Variants in PCDHA3 observed in about 807,000 individuals in gnomAD.
The protein encoded by PCDHA3 is protocadherin alpha-3.
PCDHA3 carries 41 observed loss-of-function variants against 62.2 expected under a neutral mutation model. That is an observed-to-expected ratio of 0.66 (90% CI 0.51 to 0.86). PCDHA3 has a LOEUF of 0.86. Ranked by LOEUF, PCDHA3 falls within the 40% of genes least tolerant of loss-of-function variation. PCDHA3 has a pLI of 0.00. For synonymous variants in PCDHA3, 640 were observed against 555.4 expected, an observed-to-expected ratio of 1.15 and a Z score of -2.14; for missense variants, 1,304 against 1,241.2, an observed-to-expected ratio of 1.05 and a Z score of -0.76.
Position 140,843,712 on chromosome 5 carries a change from C to G in PCDHA3, c.2394+40121C>G. ...AAGATTTAAATGTTGATCATGGCCT[C>G]AAAGTAAGTCCATTTAAATTTAGAA... On this transcript the variant is annotated intron_variant, in intron 1 of 3. Transcript: ENST00000522353. 3.2e-6 allele frequency: 5 copies of G among 1,569,886 alleles called. 1 individual carries two copies. Among genetic ancestry groups the G allele is most frequent in the Non-Finnish European group, 4.4e-6 (5 of 1,144,038 alleles).
rs2150462015 is a variant in PCDHA3 at position 140,849,990 on chromosome 5, T to G, written c.2394+46399T>G. On this transcript the variant is annotated intron_variant, in intron 1 of 3. Coordinates refer to ENST00000522353, the MANE Select transcript of PCDHA3 (RefSeq NM_018906.3). ...GTCCTACTCGCTGGTGGAGCGGCGGTTGGGCGAGCGCTCGCTGTCGAGCTA... is the reference window on the plus strand; with the variant it reads ...GTCCTACTCGCTGGTGGAGCGGCGGGTGGGCGAGCGCTCGCTGTCGAGCTA... 9.1e-5 allele frequency: 145 copies of G among 1,596,718 alleles called. 14 individuals carry two copies. The highest frequency in any genetic ancestry group is 5.1e-4 in the Admixed American group (30 of 59,270).
chr5:140,801,061 C>A lies in PCDHA3; in HGVS notation c.-137C>A, dbSNP rs887998358. On this transcript the variant is annotated 5_prime_UTR_variant, in exon 1 of 4. Transcript: ENST00000522353. ...ACAAAAGAAATAACAGCGTGCATTACGTATTCAGATACTGCTTTGCTTCAT... is the reference window on the plus strand; with the variant it reads ...ACAAAAGAAATAACAGCGTGCATTAAGTATTCAGATACTGCTTTGCTTCAT... The A allele has an allele frequency of 1.3e-5, 19 of 1,453,456 alleles. No individual in the cohort carries two copies. The highest frequency in any genetic ancestry group is 1.7e-5 in the Non-Finnish European group (19 of 1,108,902). The allele number at this position is 1,453,456 out of a possible 1,614,324, so 90.0% of individuals were successfully genotyped here.
At chr5:140,999,784 T>C (rs1176844844) in intron 3 of PCDHA3, among the ~76,000 whole-genome samples, 1 of 152,202 alleles carries the variant, frequency 6.6e-6, no homozygotes, top group African/African-American at 2.4e-5. Context: ...AACCTAGAAA[T>C]GGCAGAGTTA....
intron 3 of PCDHA3, among the ~76,000 whole-genome samples, chr5:140,983,328 T>G (rs1214241110): frequency 6.6e-6 from 1 of 152,218 alleles, no homozygotes; most frequent in East Asian, 1.9e-4. Flanking sequence ...ATTCTTGCCC[T>G]ATCACTAAAG....
intron 1 of PCDHA3, among the ~76,000 whole-genome samples, chr5:140,827,573 T>G (rs1769335748): frequency 6.6e-6 from 1 of 152,222 alleles, no homozygotes; most frequent in Admixed American, 6.5e-5. Context: ...CACTATATAA[T>G]AGCATGTCCT....
chr5:140,877,201 G>T, intron 1 of PCDHA3: 1 of 1,613,830 alleles, frequency 6.2e-7, no homozygotes, highest in South Asian at 1.1e-5. Flanking sequence ...AGGAGGCGCA[G>T]TTAGCGAGTT....
rs1397274162 is a variant in PCDHA3, at chr5:140,845,104, T to G, written c.2394+41513T>G. 8.0e-5 allele frequency among the ~76,000 whole-genome samples: 12 copies of G among 149,722 alleles called. 2 individuals are homozygous for G. In the Admixed American group the frequency reaches 8.0e-4, roughly 10 times the overall value. On this transcript the variant is annotated intron_variant, in intron 1 of 3. Transcript: ENST00000522353. ...GTAGTTTATTTTACAGTTCTCTTAA[T>G]GCCTGTCCATGTTTAGCATTTTATT... is the stretch of plus-strand genomic sequence containing the variant.
chr5:140,808,666 G>T (rs1409073063), intron 1 of PCDHA3: 3 of 1,612,844 alleles, frequency 1.9e-6, no homozygotes, highest in African/African-American at 1.3e-5. Flanking sequence ...TGTCCTACTC[G>T]CTGGTAGAGC....
intron 1 of PCDHA3, among the ~76,000 whole-genome samples, chr5:140,941,214 C>CCTTCCTTTCTTTCTTTCTTTCTTT (rs1554214040): frequency 1.1e-4 from 13 of 122,412 alleles, no homozygotes; most frequent in Non-Finnish European, 1.5e-4. Flanking sequence ...TTTCTTTCTT[C>CCTTCCTTTCTTTCTTTCTTTCTTT]CTTTCTTTCT....
chr5:140,868,981 G>T, intron 1 of PCDHA3: 1 of 1,492,270 alleles, frequency 6.7e-7, no homozygotes, highest in Non-Finnish European at 9.0e-7. Context: ...CATCATACCG[G>T]ATGCCACCGT....
rs1393449326 is a variant in PCDHA3, at chr5:140,836,217, C to A, written c.2394+32626C>A. On this transcript the variant is annotated intron_variant, in intron 1 of 3. Transcript: ENST00000522353. ...CAACGCGTGGCTTTCGTATGAGTTG[C>A]AACCGGTGGCGGCCGGTGCGAGCAT... The A allele has an allele frequency of 1.2e-6, 2 of 1,613,820 alleles. 1 individual carries two copies. The highest frequency in any genetic ancestry group is 2.7e-5 in the African/African-American group (2 of 74,978).
chr5:140,823,849 C>A (rs1767900839), intron 1 of PCDHA3: 2 of 1,613,738 alleles, frequency 1.2e-6, no homozygotes, highest in Non-Finnish European at 1.7e-6. Flanking sequence ...CGAGGCTGCC[C>A]TGGTGGATGT....
At chr5:140,830,595 A>T (rs1211988940) in intron 1 of PCDHA3, 21 of 702,108 alleles carry the variant, frequency 3.0e-5, no homozygotes, top group Non-Finnish European at 4.4e-5. Flanking sequence ...ATTTTACAAA[A>T]TTACATATTT....
chr5:140,876,878 C>T (rs1305242755), intron 1 of PCDHA3: 1 of 1,614,118 alleles, frequency 6.2e-7, no homozygotes, highest in Admixed American at 1.7e-5. Context: ...GAGAACAACC[C>T]GCCGGGCTGC....
intron 1 of PCDHA3, chr5:140,927,766 G>A: frequency 1.2e-6 from 2 of 1,614,234 alleles, no homozygotes; most frequent in Non-Finnish European, 1.7e-6. Context: ...TAAAAGTGGG[G>A]AGGTGCAAGT....
At position 140,807,168 on chromosome 5, in the gene PCDHA3, C is replaced by T. The variant is rs1236129889; in HGVS notation, c.2394+3577C>T. The T allele has an allele frequency of 1.4e-5, 22 of 1,606,354 alleles. 1 individual carries two copies. Among genetic ancestry groups the T allele is most frequent in the Non-Finnish European group, 1.9e-5 (22 of 1,176,138 alleles). ...TTTGAGAAACGATATTTAATCAGAA[C>T]AAAATACTGTGCACTAAAGATGGAG... On this transcript the variant is annotated intron_variant, in intron 1 of 3. Transcript: ENST00000522353.
At chr5:140,983,170 G>A (rs1046143831) in intron 3 of PCDHA3, among the ~76,000 whole-genome samples, 1 of 152,136 alleles carries the variant, frequency 6.6e-6, no homozygotes, top group Non-Finnish European at 1.5e-5. Context: ...AAACATGACC[G>A]CCTCACAATT....
intron 1 of PCDHA3, chr5:140,805,495 T>G: frequency 1.0e-6 from 1 of 990,528 alleles, no homozygotes; most frequent in South Asian, 4.7e-5. Flanking sequence ...GTAAAGCTAT[T>G]TTCACTAGAT....
chr5:140,823,963 G>T (rs2150130891), intron 1 of PCDHA3: 3 of 1,614,108 alleles, frequency 1.9e-6, no homozygotes, highest in African/African-American at 1.3e-5. Flanking sequence ...CACCGAGGCC[G>T]TGTGCACACG....
Sources: allele counts gnomAD v4.1 joint callset (sites outside exome capture counted in the v4.1 genomes callset), GRCh38; gene constraint gnomAD v4.1.1; transcripts MANE v1.5; gene names NCBI Gene and HGNC (gene_info 2026-07-23, HGNC 2026-07-21).